Variants in ARHGAP26 observed in about 807,000 individuals in gnomAD.
The protein encoded by ARHGAP26 is rho GTPase-activating protein 26.
Under a neutral mutation model 104.8 loss-of-function variants are expected in ARHGAP26, and 38 were observed. That is an observed-to-expected ratio of 0.36 (90% confidence interval 0.28 to 0.48). The LOEUF (loss-of-function observed/expected upper bound fraction) is 0.48. Ranked by LOEUF, ARHGAP26 falls within the 20% of genes least tolerant of loss-of-function variation. The probability of loss-of-function intolerance (pLI) is 0.99; values close to 1 mark genes in which losing one functional copy is unlikely to be tolerated. For missense variants in ARHGAP26, 704 were observed against 947.9 expected (o/e 0.74, Z 3.38); for synonymous variants, 341 against 340.0 (o/e 1.00, Z -0.03).
chr5:143,198,754 C>A (rs1473629759), intron 20 of ARHGAP26, among the ~76,000 whole-genome samples: 1 of 152,170 alleles, frequency 6.6e-6, no homozygotes, highest in Admixed American at 6.5e-5. Flanking sequence ...ACCATTCCTA[C>A]TCACCCCATC....
In ARHGAP26 at chr5:142,804,291, G is replaced by A. The variant is rs148451458; in HGVS notation, c.154+33376G>A. 5.2e-3 allele frequency among the ~76,000 whole-genome samples: 789 copies of A among 152,170 alleles called. 10 individuals are homozygous for A. The highest frequency in any genetic ancestry group is 0.018 in the African/African-American group (754 of 41,522). ...TATATTACAAATAACTTGCTATTCC[G>A]TAACTATTACACATAACTTGCCGAG... On this transcript the variant is annotated intron_variant, in intron 1 of 22. Transcript: ENST00000645722.
chr5:142,961,670 T>TAA (rs1770274425), intron 11 of ARHGAP26, among the ~76,000 whole-genome samples: 1 of 152,232 alleles, frequency 6.6e-6, no homozygotes. Context: ...CTAGCCCTTG[T>TAA]GCAGTTAATC....
chr5:142,795,964 C>T (rs567847228), intron 1 of ARHGAP26, among the ~76,000 whole-genome samples: 1 of 152,244 alleles, frequency 6.6e-6, no homozygotes, highest in East Asian at 1.9e-4. Flanking sequence ...GACAGCCTCC[C>T]CCATCCCACT....
intron 20 of ARHGAP26, among the ~76,000 whole-genome samples, chr5:143,204,926 G>T (rs1442098008): frequency 6.6e-6 from 1 of 151,954 alleles, no homozygotes; most frequent in Non-Finnish European, 1.5e-5. Flanking sequence ...ATTGTCCCTG[G>T]TTCTGCTTGG....
chr5:142,876,127 A>G (rs952874633), intron 3 of ARHGAP26, among the ~76,000 whole-genome samples: 7 of 152,164 alleles, frequency 4.6e-5, no homozygotes, highest in Non-Finnish European at 1.0e-4. Flanking sequence ...TATCCCTAAG[A>G]TATGAGGAAT....
chr5:142,816,289 T>G (rs1221767961), intron 1 of ARHGAP26, among the ~76,000 whole-genome samples: 1 of 152,240 alleles, frequency 6.6e-6, no homozygotes, highest in Non-Finnish European at 1.5e-5. Context: ...TGGTGCATGA[T>G]CGACACTGGA....
intron 17 of ARHGAP26, among the ~76,000 whole-genome samples, chr5:143,068,000 C>A (rs1252926494): frequency 1.3e-5 from 2 of 152,058 alleles, no homozygotes; most frequent in Non-Finnish European, 2.9e-5. Context: ...CCCATCTCTA[C>A]TAAAAATACA....
intron 20 of ARHGAP26, among the ~76,000 whole-genome samples, chr5:143,178,589 C>G (rs1803844212): frequency 6.6e-6 from 1 of 152,214 alleles, no homozygotes; most frequent in African/African-American, 2.4e-5. Context: ...TTAGGTGCCA[C>G]TATTCAGCGC....
intron 9 of ARHGAP26, among the ~76,000 whole-genome samples, chr5:142,910,277 G>T (rs941116756): frequency 6.6e-6 from 1 of 152,120 alleles, no homozygotes; most frequent in Non-Finnish European, 1.5e-5. Context: ...GTGCTCAAAC[G>T]CTCTTTCCAC....
At chr5:143,040,906 A>T (rs1424223450) in intron 13 of ARHGAP26, among the ~76,000 whole-genome samples, 1 of 152,218 alleles carries the variant, frequency 6.6e-6, no homozygotes, top group Non-Finnish European at 1.5e-5. Flanking sequence ...AGTAGTTTTG[A>T]TTATGGTCTA....
chr5:143,066,668 G>A (rs1434857901), intron 17 of ARHGAP26, among the ~76,000 whole-genome samples: 1 of 152,210 alleles, frequency 6.6e-6, no homozygotes, highest in African/African-American at 2.4e-5. Flanking sequence ...TTATTGGCAA[G>A]CAAAACCCTG....
intron 11 of ARHGAP26, among the ~76,000 whole-genome samples, chr5:142,982,134 A>G (rs577541182): frequency 2.9e-3 from 448 of 152,278 alleles, no homozygotes; most frequent in Non-Finnish European, 5.0e-3. Flanking sequence ...CAGTGGACTG[A>G]TGGTTTGATC....
intron 17 of ARHGAP26, among the ~76,000 whole-genome samples, chr5:143,064,407 T>C (rs571308658): frequency 6.6e-6 from 1 of 151,984 alleles, no homozygotes; most frequent in South Asian, 2.1e-4. Flanking sequence ...CTCTTTTTTT[T>C]TTTTTTTCTC....
intron 1 of ARHGAP26, among the ~76,000 whole-genome samples, chr5:142,810,203 G>T (rs1190368907): frequency 6.6e-6 from 1 of 152,120 alleles, no homozygotes; most frequent in Non-Finnish European, 1.5e-5. Flanking sequence ...ACAGAGGGAG[G>T]GGTTCTTGGC....
intron 11 of ARHGAP26, among the ~76,000 whole-genome samples, chr5:142,979,054 T>C (rs1773543266): frequency 6.6e-6 from 1 of 152,208 alleles, no homozygotes; most frequent in Admixed American, 6.5e-5. Flanking sequence ...ACCAAAGCAA[T>C]TATACAAAGA....
At chr5:143,062,035 A>G (rs1001054011) in intron 17 of ARHGAP26, among the ~76,000 whole-genome samples, 23 of 152,222 alleles carry the variant, frequency 1.5e-4, no homozygotes, top group Non-Finnish European at 8.8e-5. Context: ...ATATCAGAAT[A>G]AAGGCAGAGC....
chr5:143,177,862 G>A (rs1803711188), intron 20 of ARHGAP26, among the ~76,000 whole-genome samples: 1 of 152,096 alleles, frequency 6.6e-6, no homozygotes, highest in South Asian at 2.1e-4. Flanking sequence ...CTCTTTCCAG[G>A]TGTGTGATAA....
At chr5:142,898,844 G>A (rs898249044) in intron 6 of ARHGAP26, among the ~76,000 whole-genome samples, 1 of 152,144 alleles carries the variant, frequency 6.6e-6, no homozygotes, top group African/African-American at 2.4e-5. Context: ...ATGATTCTTG[G>A]TAGCTGTATT....
At chr5:142,877,383 T>A (rs759993963) in intron 3 of ARHGAP26, among the ~76,000 whole-genome samples, 1 of 152,088 alleles carries the variant, frequency 6.6e-6, no homozygotes, top group African/African-American at 2.4e-5. Flanking sequence ...CCACATTGTG[T>A]CCTGATAAAC....
Sources: gnomAD v4.1 joint callset for allele counts (sites outside exome capture counted in the v4.1 genomes callset) on GRCh38, gnomAD v4.1.1 for gene constraint, MANE v1.5 for transcripts, NCBI Gene and HGNC (gene_info 2026-07-23, HGNC 2026-07-21) for gene names.